ABCA12: variants seen among roughly 807,000 people sequenced by gnomAD.
The protein encoded by ABCA12 is ATP binding cassette subfamily A member 12, also known as glucosylceramide transporter ABCA12.
In ABCA12, 156 loss-of-function variants were observed where a neutral mutation model predicts 293.5. The ratio of observed to expected loss-of-function variants is 0.53; its 90% CI spans 0.47 to 0.61. The LOEUF (loss-of-function observed/expected upper bound fraction) is 0.61, where lower values mean the gene tolerates loss of function less well. Among genes scored for constraint, ABCA12 ranks in the 20% least tolerant of loss-of-function variants. The pLI, the probability that ABCA12 is intolerant of heterozygous loss-of-function variation, is 0.00. For synonymous variants in ABCA12, 1,063 were observed against 1,108.0 expected (o/e 0.96, Z 0.81); for missense variants, 2,797 against 3,090.2 (o/e 0.91, Z 2.25).
At chr2:215,129,651 T>G (rs938361089) in intron 1 of ABCA12, among the ~76,000 whole-genome samples, 3 of 152,208 alleles carry the variant, frequency 2.0e-5, no homozygotes, top group Admixed American at 2.0e-4. Flanking sequence ...GAAGCATAAT[T>G]GGTAAATAAT....
intron 7 of ABCA12, among the ~76,000 whole-genome samples, chr2:215,043,377 T>G (rs1377798310): frequency 2.0e-5 from 3 of 152,164 alleles, no homozygotes; most frequent in African/African-American, 7.2e-5. Context: ...CATACTCTAC[T>G]GCATAGTGCC....
chr2:214,986,556 C>T lies in ABCA12; in HGVS notation c.4149G>A (p.Gly1383=), dbSNP rs867555221. The T allele has an allele frequency of 3.1e-6, 5 of 1,613,952 alleles. No homozygotes were observed. In the Admixed American group the frequency reaches 8.3e-5, roughly 27 times the overall value. ...ITSLLGPNGA[G]KTTTISMLTG... is the part of the protein sequence containing the mutation. ...AGTTAACATACATGGTAGTAGTTTT[C>T]CCAGCTCCATTGGGCCCCAGCAATG... The change falls in exon 28 of 53, where the codon GGG becomes GGA. Residue 1383 remains glycine, a synonymous_variant. Coordinates refer to ENST00000272895, the MANE Select transcript of ABCA12 (RefSeq NM_173076.3).
chr2:215,059,548 T>C (rs974394210), intron 3 of ABCA12, among the ~76,000 whole-genome samples: 1 of 152,078 alleles, frequency 6.6e-6, no homozygotes, highest in African/African-American at 2.4e-5. Context: ...AATATGTTAC[T>C]GTGTCTTAGG....
intron 2 of ABCA12, among the ~76,000 whole-genome samples, chr2:215,069,061 A>C (rs1701686894): frequency 6.6e-6 from 1 of 152,158 alleles, no homozygotes; most frequent in African/African-American, 2.4e-5. Context: ...CCACTGTTTC[A>C]TTCTGTTTTT....
intron 42 of ABCA12, 23 bp from the exon 43 acceptor site, chr2:214,955,384 A>C (rs750738287): frequency 1.9e-6 from 3 of 1,613,466 alleles, no homozygotes; most frequent in South Asian, 2.2e-5. Context: ...AACACAAAGA[A>C]TTAAAATTAC....
At chr2:215,040,226 T>C (rs547128002) in intron 7 of ABCA12, among the ~76,000 whole-genome samples, 2 of 152,314 alleles carry the variant, frequency 1.3e-5, no homozygotes, top group East Asian at 1.9e-4. Flanking sequence ...AAAAAAGAGT[T>C]GTTCTGACTA....
At chr2:214,932,878 T>G (rs1698104812) in intron 52 of ABCA12, 137 bp from the exon 53 acceptor site, 1 of 696,186 alleles carries the variant, frequency 1.4e-6, no homozygotes, top group Non-Finnish European at 2.6e-6. Context: ...CCCTATAAAA[T>G]CCAAATCCTA....
chr2:215,135,871 C>T (rs1703215161), intron 1 of ABCA12, among the ~76,000 whole-genome samples: 1 of 152,098 alleles, frequency 6.6e-6, no homozygotes, highest in Admixed American at 6.5e-5. Context: ...AAGTCTTTTT[C>T]CCAACATGGA....
chr2:215,134,620 G>GAGAGAGAGAGACAAAC (rs1553551021), intron 1 of ABCA12, among the ~76,000 whole-genome samples: 12 of 93,404 alleles, frequency 1.3e-4, no homozygotes, highest in African/African-American at 6.7e-4. Context: ...TATATATAGA[G>GAGAGAGAGAGACAAAC]AGAGAGAGAG....
At chr2:215,003,451 T>G (rs558659778) in intron 20 of ABCA12, among the ~76,000 whole-genome samples, 2 of 152,166 alleles carry the variant, frequency 1.3e-5, no homozygotes, top group African/African-American at 4.8e-5. Flanking sequence ...TTGCTAACTC[T>G]ATATCTCTTC....
At chr2:214,949,841 T>A (rs1324318857) in intron 45 of ABCA12, among the ~76,000 whole-genome samples, 5 of 152,184 alleles carry the variant, frequency 3.3e-5, no homozygotes, top group African/African-American at 1.2e-4. Context: ...GACAGTAGTT[T>A]AGGAAGGGGC....
chr2:215,093,971 A>C (rs2091093), intron 2 of ABCA12, among the ~76,000 whole-genome samples: 150,768 of 152,288 alleles, frequency 0.99, 74,642 homozygotes, highest in Middle Eastern at 1. Context: ...CAGGCCTAAT[A>C]GCTACTCACC....
intron 2 of ABCA12, among the ~76,000 whole-genome samples, chr2:215,091,545 G>A (rs1702147338): frequency 6.6e-6 from 1 of 152,108 alleles, no homozygotes; most frequent in African/African-American, 2.4e-5. Context: ...ACGCTTTACT[G>A]CCCTAGACCC....
At chr2:214,951,182 A>C (rs1400801246) in intron 44 of ABCA12, 99 bp from the exon 45 acceptor site, 1 of 1,023,532 alleles carries the variant, frequency 9.8e-7, no homozygotes, top group Non-Finnish European at 1.5e-6. Context: ...ACAGTGTACT[A>C]GTCATCATTA....
At chr2:214,960,787 G>A (rs1574943929) in intron 39 of ABCA12, among the ~76,000 whole-genome samples, 2 of 152,046 alleles carry the variant, frequency 1.3e-5, no homozygotes, top group East Asian at 3.9e-4. Context: ...CAATGTGTTA[G>A]TATTCTTGAA....
At chr2:215,114,681 T>C (rs911956879) in intron 1 of ABCA12, among the ~76,000 whole-genome samples, 5 of 152,250 alleles carry the variant, frequency 3.3e-5, no homozygotes, top group South Asian at 2.1e-4. Context: ...GCCTCATCTC[T>C]GATTTATTTC....
chr2:215,074,811 G>A (rs1701803357), intron 2 of ABCA12, among the ~76,000 whole-genome samples: 1 of 151,914 alleles, frequency 6.6e-6, no homozygotes, highest in Non-Finnish European at 1.5e-5. Context: ...GTGTGGTGGT[G>A]CGTGCCTGTA....
At chr2:215,045,394 C>G (rs536702089) in intron 7 of ABCA12, among the ~76,000 whole-genome samples, 41 of 152,254 alleles carry the variant, frequency 2.7e-4, no homozygotes, top group African/African-American at 9.6e-4. Flanking sequence ...TTTGAGGTGG[C>G]TTGGAACAAA....
chr2:215,103,378 C>G (rs1268324118), intron 2 of ABCA12, among the ~76,000 whole-genome samples: 1 of 146,594 alleles, frequency 6.8e-6, no homozygotes, highest in African/African-American at 2.5e-5. Flanking sequence ...AAGCAATTAT[C>G]CTGCCTCAGC....
Sources: gnomAD v4.1 joint callset for allele counts (sites outside exome capture counted in the v4.1 genomes callset) on GRCh38, gnomAD v4.1.1 for gene constraint, MANE v1.5 for transcripts, NCBI Gene and HGNC (gene_info 2026-07-23, HGNC 2026-07-21) for gene names.